The following BBS9 variants were observed in gnomAD, a reference collection of about 807,000 sequenced individuals.
The protein encoded by BBS9 is Bardet-Biedl syndrome 9.
Under a neutral mutation model 117.7 loss-of-function variants are expected in BBS9, and 89 were observed. The ratio of observed to expected loss-of-function variants is 0.76; its 90% CI spans 0.64 to 0.90. The LOEUF (loss-of-function observed/expected upper bound fraction) is 0.90. Ranked by LOEUF, BBS9 falls within the 40% of genes least tolerant of loss-of-function variation. BBS9 has a pLI of 0.00. For missense variants in BBS9, 982 were observed against 1,042.2 expected (o/e 0.94, Z 0.80); for synonymous variants, 379 against 370.9 (o/e 1.02, Z -0.25).
chr7:33,544,708 T>C (rs1852996557), intron 21 of BBS9, among the ~76,000 whole-genome samples: 3 of 152,184 alleles, frequency 2.0e-5, no homozygotes, highest in Admixed American at 6.5e-5. Context: ...AAGCATCAGC[T>C]GTAGTAGTGT....
chr7:33,344,033 G>A (rs1817071695), intron 11 of BBS9, among the ~76,000 whole-genome samples: 1 of 150,320 alleles, frequency 6.7e-6, no homozygotes, highest in South Asian at 2.1e-4. Flanking sequence ...GGAATGGAGT[G>A]GTTTGATAAA....
intron 21 of BBS9, among the ~76,000 whole-genome samples, chr7:33,568,669 A>G (rs1285620985): frequency 1.3e-5 from 2 of 152,194 alleles, no homozygotes; most frequent in Non-Finnish European, 2.9e-5. Flanking sequence ...TCTTATTTTC[A>G]GAATTTCTCT....
At chr7:33,446,999 A>G (rs773810746) in intron 19 of BBS9, among the ~76,000 whole-genome samples, 10 of 152,250 alleles carry the variant, frequency 6.6e-5, no homozygotes, top group Non-Finnish European at 1.2e-4. Flanking sequence ...TAGGTGGGAA[A>G]GAAACTAATG....
chr7:33,134,874 G>A (rs1001078781), intron 1 of BBS9, among the ~76,000 whole-genome samples: 7 of 152,168 alleles, frequency 4.6e-5, no homozygotes, highest in African/African-American at 9.7e-5. Context: ...GGGATTACAG[G>A]CGTCAGCCAC....
At chr7:33,294,555 G>C (rs1804871252) in intron 9 of BBS9, among the ~76,000 whole-genome samples, 1 of 152,044 alleles carries the variant, frequency 6.6e-6, no homozygotes, top group Non-Finnish European at 1.5e-5. Flanking sequence ...TCTCCCTTTT[G>C]GTAATGTAGT....
chr7:33,230,960 A>T (rs879373027), intron 5 of BBS9, among the ~76,000 whole-genome samples: 2 of 152,050 alleles, frequency 1.3e-5, no homozygotes, highest in Non-Finnish European at 2.9e-5. Context: ...GCTGGGTCTT[A>T]TGGTATATCT....
At chr7:33,597,882 A>C (rs1466341706) in intron 21 of BBS9, among the ~76,000 whole-genome samples, 2 of 151,754 alleles carry the variant, frequency 1.3e-5, no homozygotes, top group African/African-American at 2.4e-5. Flanking sequence ...CAAAAAAAAA[A>C]AAAAACAAAA....
intron 19 of BBS9, among the ~76,000 whole-genome samples, chr7:33,503,175 C>T (rs1319525446): frequency 6.6e-6 from 1 of 152,110 alleles, no homozygotes. Context: ...ACTTACAAAA[C>T]GCAAGCTCAA....
intron 2 of BBS9, among the ~76,000 whole-genome samples, chr7:33,152,193 C>CT (rs1793445313): frequency 6.6e-6 from 1 of 152,128 alleles, no homozygotes; most frequent in Non-Finnish European, 1.5e-5. Context: ...TTTAACGTAT[C>CT]TTTTTTTGGG....
At chr7:33,472,061 T>C (rs1364854484) in intron 19 of BBS9, among the ~76,000 whole-genome samples, 1 of 152,188 alleles carries the variant, frequency 6.6e-6, no homozygotes, top group Non-Finnish European at 1.5e-5. Flanking sequence ...CAGAGAAACT[T>C]CTAGAGGAAC....
chr7:33,155,089 C>G (rs2128113343), intron 3 of BBS9, among the ~76,000 whole-genome samples: 1 of 152,294 alleles, frequency 6.6e-6, no homozygotes, highest in East Asian at 1.9e-4. Flanking sequence ...TAGTTTATTT[C>G]TATTTGAGAT....
intron 9 of BBS9, among the ~76,000 whole-genome samples, chr7:33,292,385 A>C (rs1204841744): frequency 6.6e-6 from 1 of 151,922 alleles, no homozygotes; most frequent in Non-Finnish European, 1.5e-5. Context: ...GTGCCACCAC[A>C]CCTGGCTACT....
chr7:33,425,091 A>G (rs988070455), intron 19 of BBS9, among the ~76,000 whole-genome samples: 11 of 152,200 alleles, frequency 7.2e-5, no homozygotes, highest in African/African-American at 2.7e-4. Context: ...ATTCTAATCT[A>G]CAGTAAACAC....
At chr7:33,442,082 G>A (rs1836287012) in intron 19 of BBS9, among the ~76,000 whole-genome samples, 1 of 152,050 alleles carries the variant, frequency 6.6e-6, no homozygotes, top group South Asian at 2.1e-4. Context: ...AGTAGAGACA[G>A]GGTTTCACCA....
In BBS9 at chr7:33,376,937, T is replaced by A. The variant is rs190279453; in HGVS notation, c.1790-6729T>A. Among the ~76,000 whole-genome samples the A allele has an allele frequency of 2.3e-4, 35 of 152,346 alleles. 1 individual carries two copies. The East Asian group carries it at 6.7e-3, about 29-fold the overall frequency. On this transcript the variant is annotated intron_variant, in intron 17 of 22. Coordinates refer to ENST00000242067, the MANE Select transcript of BBS9 (RefSeq NM_198428.3). Reference sequence around the variant, plus strand: ...ATTTGTGTAAGTTCCTTATAGATTCTGGATATTAGACCTTTTTCCAGTGCA... The same window carrying A: ...ATTTGTGTAAGTTCCTTATAGATTCAGGATATTAGACCTTTTTCCAGTGCA...
chr7:33,630,850 T>C (rs1298001720), intron 21 of BBS9, among the ~76,000 whole-genome samples: 1 of 152,186 alleles, frequency 6.6e-6, no homozygotes, highest in African/African-American at 2.4e-5. Flanking sequence ...ATTCATCTCA[T>C]AAATATTTAT....
intron 9 of BBS9, among the ~76,000 whole-genome samples, chr7:33,295,169 ATAT>A (rs1164047133): frequency 6.6e-6 from 1 of 152,176 alleles, no homozygotes; most frequent in Non-Finnish European, 1.5e-5. Flanking sequence ...CCTATTCATA[ATAT>A]TAGAGAAAAA....
At chr7:33,498,632 C>A (rs992754471) in intron 19 of BBS9, among the ~76,000 whole-genome samples, 3 of 152,082 alleles carry the variant, frequency 2.0e-5, no homozygotes, top group African/African-American at 7.2e-5. Flanking sequence ...TTGTCATAGG[C>A]TTCTTTTGTT....
At chr7:33,470,948 C>CA (rs1377358667) in intron 19 of BBS9, among the ~76,000 whole-genome samples, 1 of 152,160 alleles carries the variant, frequency 6.6e-6, no homozygotes, top group Admixed American at 6.5e-5. Context: ...ACTGCTGATA[C>CA]ATAGTAGATT....
Sources: allele counts gnomAD v4.1 joint callset (sites outside exome capture counted in the v4.1 genomes callset), GRCh38; gene constraint gnomAD v4.1.1; transcripts MANE v1.5; gene names NCBI Gene and HGNC (gene_info 2026-07-23, HGNC 2026-07-21).